PROSER1: variants seen among roughly 807,000 people sequenced by gnomAD.
PROSER1 encodes proline and serine-rich protein 1.
PROSER1 carries 36 observed loss-of-function variants against 71.8 expected under a neutral mutation model. The ratio of observed to expected loss-of-function variants is 0.50; its 90% CI spans 0.38 to 0.66. The LOEUF (loss-of-function observed/expected upper bound fraction) is 0.66. Among genes scored for constraint, PROSER1 ranks in the 30% least tolerant of loss-of-function variants. The pLI is 0.00. For synonymous variants in PROSER1, 490 were observed against 452.4 expected (o/e 1.08, Z -1.06); for missense variants, 1,107 against 1,135.0 (o/e 0.98, Z 0.35).
Position 39,011,223 on chromosome 13 carries a change from T to G in PROSER1, c.*142A>C, listed in dbSNP as rs1251158947. 3.7e-6 allele frequency: 3 copies of G among 808,624 alleles called. No individual in the cohort carries two copies. In the African/African-American group the frequency reaches 5.2e-5, roughly 14 times the overall value. 50.1% of individuals were successfully genotyped at this position (808,624 alleles called of 1,614,324 possible). ...ACACTTTAAAATGCAACCACAATTT[T>G]CAAATTGTTGTCACAATTTCTCCAG... On this transcript the variant is annotated 3_prime_UTR_variant, in exon 13 of 13. Coordinates refer to ENST00000352251, the MANE Select transcript of PROSER1 (RefSeq NM_025138.5).
chr13:39,034,796 T>G (rs1871020375), intron 1 of PROSER1, among the ~76,000 whole-genome samples: 1 of 152,212 alleles, frequency 6.6e-6, no homozygotes, highest in Non-Finnish European at 1.5e-5. Context: ...GGGAACACCA[T>G]TCACCAACCT....
At chr13:39,030,666 G>A (rs762552226) in intron 3 of PROSER1, among the ~76,000 whole-genome samples, 3 of 152,008 alleles carry the variant, frequency 2.0e-5, no homozygotes, top group South Asian at 2.1e-4. Context: ...GGCCTCAAGC[G>A]ATTCTCCTAT....
intron 6 of PROSER1, 94 bp downstream of exon 6, chr13:39,026,183 C>T: frequency 1.3e-6 from 1 of 754,662 alleles, no homozygotes; most frequent in Non-Finnish European, 2.2e-6. Context: ...AAGTTACCGA[C>T]ATAAAATTCC....
At chr13:39,035,696 A>G (rs113859215) in intron 1 of PROSER1, among the ~76,000 whole-genome samples, 3,385 of 152,234 alleles carry the variant, frequency 0.022, 123 homozygotes, top group African/African-American at 0.069. Context: ...GACAGTAGTG[A>G]CAATCAGTAT....
intron 9 of PROSER1, among the ~76,000 whole-genome samples, chr13:39,020,793 T>C (rs1223861126): frequency 6.6e-6 from 1 of 152,186 alleles, no homozygotes; most frequent in Admixed American, 6.5e-5. Context: ...TGACAACATA[T>C]GGGAAACCAT....
chr13:39,020,677 G>A (rs1303750137), intron 9 of PROSER1, among the ~76,000 whole-genome samples: 2 of 152,126 alleles, frequency 1.3e-5, no homozygotes, highest in African/African-American at 4.8e-5. Flanking sequence ...GACTGGCAAA[G>A]TTAAAAAAAT....
Position 39,012,242 on chromosome 13 carries a change from A to G in PROSER1, c.2562-9T>C. On this transcript the variant is annotated splice_polypyrimidine_tract_variant and intron_variant, in intron 11 of 12. Transcript: ENST00000352251. The stretch of plus-strand genomic sequence containing the variant: ...GAAGTCCAGATGATAAACTAAAACA[A>G]TTGACAGAAAAACAAGTTAACTGCA... The G allele has an allele frequency of 1.2e-6, 2 of 1,612,864 alleles. No individual in the cohort carries two copies. Among genetic ancestry groups the G allele is most frequent in the South Asian group, 1.1e-5 (1 of 90,772 alleles).
chr13:39,018,629 TG>T (rs1241464861), intron 9 of PROSER1, among the ~76,000 whole-genome samples: 1 of 151,862 alleles, frequency 6.6e-6, no homozygotes, highest in Non-Finnish European at 1.5e-5. Flanking sequence ...AAACTATGGT[TG>T]GAAACAAGAA....
At chr13:39,026,977 A>G (rs893714146) in intron 5 of PROSER1, among the ~76,000 whole-genome samples, 1 of 152,194 alleles carries the variant, frequency 6.6e-6, no homozygotes, top group Non-Finnish European at 1.5e-5. Context: ...ATGATGCCGC[A>G]CACACACTGA....
intron 10 of PROSER1, among the ~76,000 whole-genome samples, chr13:39,016,876 G>C (rs920335112): frequency 6.6e-6 from 1 of 152,104 alleles, no homozygotes; most frequent in Non-Finnish European, 1.5e-5. Flanking sequence ...TCAGGCTATT[G>C]TGCTACTTTG....
rs201986385 is a variant in PROSER1 at position 39,013,054 on chromosome 13, G to A, written c.2198C>T (p.Ala733Val). The A allele has an allele frequency of 6.2e-7, 1 of 1,614,106 alleles. No individual in the cohort carries two copies. Among genetic ancestry groups the A allele is most frequent in the Non-Finnish European group, 8.5e-7 (1 of 1,180,004 alleles). ...AGGATGAGGGAGAGATGTGGAGGTGGCAGCGGTAGATGAGGTGGCTATTAA... is the reference window on the plus strand; with the variant it reads ...AGGATGAGGGAGAGATGTGGAGGTGACAGCGGTAGATGAGGTGGCTATTAA... ...GSLIATSSTA[A>V]TSTSLPHPSS... is the part of the protein sequence containing the mutation. The change falls in exon 11 of 13, where the codon GCC becomes GTC. Residue 733 changes from alanine to valine, a missense_variant. Transcript: ENST00000352251.
intron 7 of PROSER1, among the ~76,000 whole-genome samples, chr13:39,024,203 C>T (rs572651228): frequency 2.0e-5 from 3 of 152,264 alleles, no homozygotes; most frequent in South Asian, 2.1e-4. Flanking sequence ...CTCCACACTC[C>T]GTATCTCCAA....
Position 39,038,046 on chromosome 13 carries a change from A to C in PROSER1, c.-804T>G, listed in dbSNP as rs1030968971. On this transcript the variant is annotated 5_prime_UTR_variant, in exon 1 of 13. Coordinates refer to ENST00000352251, the MANE Select transcript of PROSER1 (RefSeq NM_025138.5). The stretch of plus-strand genomic sequence containing the variant: ...ACCTACAATAAAGCCAGTCGCGCCC[A>C]AGTAAACTCAACACTGCGCCGCCAG... 4 of 153,108 alleles carry C rather than the reference A, an allele frequency of 2.6e-5. No individual in the cohort carries two copies. The highest frequency in any genetic ancestry group is 9.7e-5 in the African/African-American group (4 of 41,410). 9.5% of individuals were successfully genotyped at this position (153,108 alleles called of 1,614,324 possible).
In PROSER1 at chr13:39,012,173, C is replaced by T. The variant is rs370484502; in HGVS notation, c.2622G>A (p.Pro874=). 8 of 1,613,954 alleles carry T rather than the reference C, an allele frequency of 5.0e-6. No homozygotes were observed. Among genetic ancestry groups the T allele is most frequent in the Middle Eastern group, 1.7e-4 (1 of 6,056 alleles). ...GATTCTGAGGAAACCCAGGGATACC[C>T]GGGAGGGACAAAAGGCCTGGAAAAA... is the stretch of plus-strand genomic sequence containing the variant. ...SSVFPGLLSL[P]GIPGFPQNPS... Residue 874 remains proline, a synonymous_variant, in exon 12 of 13, where the codon CCG becomes CCA. Coordinates refer to ENST00000352251, the MANE Select transcript of PROSER1 (RefSeq NM_025138.5).
intron 5 of PROSER1, among the ~76,000 whole-genome samples, chr13:39,027,661 T>C (rs976939983): frequency 6.6e-6 from 1 of 152,158 alleles, no homozygotes; most frequent in Non-Finnish European, 1.5e-5. Flanking sequence ...GAGTATTAAA[T>C]ACAACTGAAC....
rs762042102 is a variant in PROSER1, at chr13:39,013,478, G to C, written c.1774C>G (p.Leu592Val). 1.2e-6 allele frequency: 2 copies of C among 1,614,080 alleles called. No homozygotes were observed. Among genetic ancestry groups the C allele is most frequent in the Non-Finnish European group, 1.7e-6 (2 of 1,180,022 alleles). ...LRGPHPGTSD[L>V]HISSTPAATT... is the part of the protein sequence containing the mutation. ...GCAGCAGGGGTAGATGAAATATGCA[G>C]ATCTGAGGTACCTGGGTGGGGGCCA... is the stretch of plus-strand genomic sequence containing the variant. The change falls in exon 11 of 13, where the codon CTG (leucine) becomes GTG (valine). Residue 592 changes from leucine to valine, a missense_variant. Coordinates refer to ENST00000352251, the MANE Select transcript of PROSER1 (RefSeq NM_025138.5).
chr13:39,036,975 C>T (rs1008673334), intron 1 of PROSER1, among the ~76,000 whole-genome samples: 5 of 152,124 alleles, frequency 3.3e-5, no homozygotes, highest in Admixed American at 6.5e-5. Context: ...AATGTAATTC[C>T]CACGACACCG....
chr13:39,024,343 T>A, intron 7 of PROSER1, 130 bp downstream of exon 7: 1 of 641,054 alleles, frequency 1.6e-6, no homozygotes, highest in Non-Finnish European at 2.8e-6. Context: ...ATCCATTCAC[T>A]CTCTCACTCT....
intron 10 of PROSER1, among the ~76,000 whole-genome samples, chr13:39,015,641 G>A (rs994087389): frequency 1.3e-5 from 2 of 152,082 alleles, no homozygotes; most frequent in East Asian, 3.9e-4. Context: ...TTTGCACTAT[G>A]TGAAGGCCAA....
Sources: allele counts gnomAD v4.1 joint callset (sites outside exome capture counted in the v4.1 genomes callset), GRCh38; gene constraint gnomAD v4.1.1; transcripts MANE v1.5; gene names NCBI Gene and HGNC (gene_info 2026-07-23, HGNC 2026-07-21).